NBEA: variants seen among roughly 807,000 people sequenced by gnomAD.
NBEA encodes lysosomal-trafficking regulator 2.
Under a neutral mutation model 343.4 loss-of-function variants are expected in NBEA, and 44 were observed. The ratio of observed to expected loss-of-function variants is 0.13; its 90% CI spans 0.10 to 0.16. The LOEUF (loss-of-function observed/expected upper bound fraction) is 0.16. NBEA is among the 10% of genes least tolerant of loss of function. The pLI, the probability that NBEA is intolerant of heterozygous loss-of-function variation, is 1.00. For synonymous variants in NBEA, 1,175 were observed against 1,238.7 expected (o/e 0.95, Z 1.08); for missense variants, 2,555 against 3,631.3 (o/e 0.70, Z 7.62).
chr13:35,620,960 A>T (rs1260880658), intron 48 of NBEA, among the ~76,000 whole-genome samples: 1 of 152,138 alleles, frequency 6.6e-6, no homozygotes, highest in East Asian at 1.9e-4. Flanking sequence ...CATTTTAGAG[A>T]GTTCAGCTAA....
chr13:35,665,813 A>T (rs2085324148), intron 56 of NBEA, among the ~76,000 whole-genome samples: 1 of 152,152 alleles, frequency 6.6e-6, no homozygotes, highest in African/African-American at 2.4e-5. Context: ...TTTTCAGTAG[A>T]GATGGGGTTT....
intron 1 of NBEA, 86 bp downstream of exon 1, chr13:34,943,200 A>G (rs2059084293): frequency 4.0e-6 from 6 of 1,516,876 alleles, no homozygotes; most frequent in South Asian, 1.2e-5. Flanking sequence ...CTTCACCCCC[A>G]GGGTCACACG....
chr13:34,983,033 A>G (rs1373479284), intron 1 of NBEA, among the ~76,000 whole-genome samples: 1 of 151,850 alleles, frequency 6.6e-6, no homozygotes. Flanking sequence ...TATTATTATT[A>G]TTTTATACTT....
intron 34 of NBEA, among the ~76,000 whole-genome samples, chr13:35,269,823 G>T (rs1229446459): frequency 6.6e-6 from 1 of 152,094 alleles, no homozygotes; most frequent in Non-Finnish European, 1.5e-5. Context: ...GAGAAATAAT[G>T]CAGAAAAGCT....
At chr13:35,040,332 T>C (rs1488400725) in intron 1 of NBEA, among the ~76,000 whole-genome samples, 1 of 152,132 alleles carries the variant, frequency 6.6e-6, no homozygotes, top group African/African-American at 2.4e-5. Context: ...TTAAATGTGT[T>C]GCTGTTAAAT....
intron 27 of NBEA, 26 bp downstream of exon 27, chr13:35,173,620 A>G (rs772055792): frequency 2.9e-5 from 46 of 1,586,294 alleles, no homozygotes; most frequent in Non-Finnish European, 3.9e-5. Context: ...TTCTTGGCCA[A>G]ATATAATTTA....
intron 40 of NBEA, among the ~76,000 whole-genome samples, chr13:35,469,349 T>G (rs529691246): frequency 5.3e-5 from 8 of 152,230 alleles, no homozygotes; most frequent in African/African-American, 1.9e-4. Flanking sequence ...TAAAGAGAAG[T>G]TATTATTTTA....
At chr13:35,050,981 C>G (rs1192041614) in intron 6 of NBEA, among the ~76,000 whole-genome samples, 1 of 151,868 alleles carries the variant, frequency 6.6e-6, no homozygotes, top group Non-Finnish European at 1.5e-5. Context: ...AAAAACTGCT[C>G]TAAAGAGAAA....
intron 10 of NBEA, among the ~76,000 whole-genome samples, chr13:35,086,540 G>A (rs1224389154): frequency 3.3e-5 from 5 of 151,854 alleles, no homozygotes; most frequent in African/African-American, 1.2e-4. Flanking sequence ...GAGTGAGAAT[G>A]TCTTTAGCCA....
At chr13:35,228,754 T>C (rs1410633012) in intron 33 of NBEA, among the ~76,000 whole-genome samples, 2 of 152,034 alleles carry the variant, frequency 1.3e-5, no homozygotes, top group African/African-American at 4.8e-5. Flanking sequence ...TTCAAAATAG[T>C]CATCAATCAA....
chr13:35,001,824 A>G (rs2061151789), intron 1 of NBEA, among the ~76,000 whole-genome samples: 1 of 152,180 alleles, frequency 6.6e-6, no homozygotes, highest in Admixed American at 6.5e-5. Flanking sequence ...GAATATTTCC[A>G]ACACAAAGAC....
At chr13:35,258,188 AAAC>A (rs2032836784) in intron 34 of NBEA, among the ~76,000 whole-genome samples, 1 of 142,792 alleles carries the variant, frequency 7.0e-6, no homozygotes, top group Admixed American at 7.0e-5. Context: ...TTTTTTTTTT[AAAC>A]AACATCTCGC....
intron 38 of NBEA, among the ~76,000 whole-genome samples, chr13:35,418,388 G>A (rs1013862860): frequency 1.3e-5 from 2 of 152,006 alleles, no homozygotes; most frequent in African/African-American, 2.4e-5. Flanking sequence ...GAGTGATGCA[G>A]GAGGAGTTTA....
intron 45 of NBEA, among the ~76,000 whole-genome samples, chr13:35,572,205 A>G (rs1043184360): frequency 6.6e-6 from 1 of 152,220 alleles, no homozygotes; most frequent in African/African-American, 2.4e-5. Flanking sequence ...TCTATCTTAC[A>G]ACATGATATA....
At chr13:35,490,657 A>C (rs1594794278) in intron 41 of NBEA, among the ~76,000 whole-genome samples, 1 of 152,110 alleles carries the variant, frequency 6.6e-6, no homozygotes, top group African/African-American at 2.4e-5. Context: ...ATCTTTAAAC[A>C]AGACAAAGAA....
At chr13:35,399,825 C>T (rs61948739) in intron 38 of NBEA, among the ~76,000 whole-genome samples, 18,752 of 151,942 alleles carry the variant, frequency 0.12, 1,287 homozygotes, top group African/African-American at 0.18. Flanking sequence ...TTCCTTTCTC[C>T]TGAACAGTTA....
At chr13:34,980,821 G>C (rs1305532936) in intron 1 of NBEA, among the ~76,000 whole-genome samples, 1 of 152,036 alleles carries the variant, frequency 6.6e-6, no homozygotes, top group Non-Finnish European at 1.5e-5. Flanking sequence ...TATACCATCT[G>C]AATTTTGTCG....
intron 32 of NBEA, among the ~76,000 whole-genome samples, chr13:35,209,276 TG>T (rs1871174735): frequency 6.6e-6 from 1 of 152,194 alleles, no homozygotes; most frequent in Non-Finnish European, 1.5e-5. Flanking sequence ...ATATATTCTT[TG>T]CTAAATCCCC....
At chr13:35,270,630 C>T (rs1202081774) in intron 34 of NBEA, among the ~76,000 whole-genome samples, 2 of 152,304 alleles carry the variant, frequency 1.3e-5, no homozygotes, top group Admixed American at 6.5e-5. Context: ...TGCCCAAATA[C>T]TGTGCTTTTC....
Sources: allele counts gnomAD v4.1 joint callset (sites outside exome capture counted in the v4.1 genomes callset), GRCh38; gene constraint gnomAD v4.1.1; transcripts MANE v1.5; gene names NCBI Gene and HGNC (gene_info 2026-07-23, HGNC 2026-07-21).